The following RANBP2 variants were observed in gnomAD, a reference collection of about 807,000 sequenced individuals.
The protein encoded by RANBP2 is RAN binding protein 2, also known as E3 SUMO-protein ligase RanBP2.
RANBP2 carries 57 observed loss-of-function variants against 303.6 expected under a neutral mutation model. The ratio of observed to expected loss-of-function variants is 0.19; its 90% CI spans 0.15 to 0.23. RANBP2 has a LOEUF of 0.23. Ranked by LOEUF, RANBP2 falls within the 10% of genes least tolerant of loss-of-function variation. The probability of loss-of-function intolerance (pLI) is 1.00; values close to 1 mark genes in which losing one functional copy is unlikely to be tolerated. For missense variants in RANBP2, 3,138 were observed against 3,780.8 expected (o/e 0.83, Z 4.46); for synonymous variants, 1,167 against 1,301.5 (o/e 0.90, Z 2.23).
the RANBP2 span, among the ~76,000 whole-genome samples, chr2:109,301,288 G>C: frequency 1.3e-5 from 2 of 151,784 alleles, no homozygotes; most frequent in Non-Finnish European, 2.9e-5. Flanking sequence ...TGTGTGGTGT[G>C]TGTCTGTGTG....
At chr2:109,643,000 C>A in the RANBP2 span, among the ~76,000 whole-genome samples, 3 of 152,102 alleles carry the variant, frequency 2.0e-5, no homozygotes, top group South Asian at 6.2e-4. Context: ...CACAGTGAGA[C>A]CCTGTCTCTA....
the RANBP2 span, among the ~76,000 whole-genome samples, chr2:109,404,665 C>T: frequency 6.6e-6 from 1 of 152,160 alleles, no homozygotes; most frequent in Non-Finnish European, 1.5e-5. Flanking sequence ...GCTGACCCCT[C>T]TCCCACCGGG....
chr2:108,986,979 A>G, the RANBP2 span, among the ~76,000 whole-genome samples: 1 of 152,182 alleles, frequency 6.6e-6, no homozygotes, highest in Non-Finnish European at 1.5e-5. Flanking sequence ...CTCAAACAGC[A>G]TCAAAGGAAC....
At chr2:109,473,869 C>T in the RANBP2 span, among the ~76,000 whole-genome samples, 3 of 152,012 alleles carry the variant, frequency 2.0e-5, no homozygotes, top group Non-Finnish European at 2.9e-5. Flanking sequence ...CTCCTTGTGC[C>T]CCTGAACCGC....
the RANBP2 span, among the ~76,000 whole-genome samples, chr2:109,087,594 A>C: frequency 6.6e-6 from 1 of 152,168 alleles, no homozygotes; most frequent in African/African-American, 2.4e-5. Context: ...TTTTGGGTTC[A>C]AGTCCTCCTG....
the RANBP2 span, among the ~76,000 whole-genome samples, chr2:109,632,300 C>T: frequency 6.6e-6 from 1 of 152,150 alleles, no homozygotes; most frequent in Non-Finnish European, 1.5e-5. Context: ...CTAAGGGGGT[C>T]ATGGGAACTC....
chr2:108,925,327 G>A, the RANBP2 span, among the ~76,000 whole-genome samples: 1 of 152,234 alleles, frequency 6.6e-6, no homozygotes, highest in African/African-American at 2.4e-5. Context: ...AGGCCTCTCT[G>A]CCCATCCTAG....
the RANBP2 span, among the ~76,000 whole-genome samples, chr2:109,123,455 C>T: frequency 6.6e-6 from 1 of 151,868 alleles, no homozygotes. Flanking sequence ...CTCTCTCCTC[C>T]ATGGATGAAA....
At chr2:109,281,641 A>G in the RANBP2 span, among the ~76,000 whole-genome samples, 1,645 of 152,216 alleles carry the variant, frequency 0.011, 44 homozygotes, top group African/African-American at 0.037. Context: ...ATTTGAGTAT[A>G]AGTGTTTAGA....
the RANBP2 span, among the ~76,000 whole-genome samples, chr2:109,396,502 G>C: frequency 6.6e-6 from 1 of 152,218 alleles, no homozygotes; most frequent in Non-Finnish European, 1.5e-5. Flanking sequence ...GCACGGAGCA[G>C]CCCTGTGATG....
At chr2:109,717,288 A>C in the RANBP2 span, among the ~76,000 whole-genome samples, 1 of 151,368 alleles carries the variant, frequency 6.6e-6, no homozygotes, top group Non-Finnish European at 1.5e-5. Flanking sequence ...AAAAAAAAAA[A>C]AAACCCAGTT....
At chr2:109,549,179 G>A in the RANBP2 span, among the ~76,000 whole-genome samples, 2 of 152,178 alleles carry the variant, frequency 1.3e-5, no homozygotes, top group Non-Finnish European at 2.9e-5. Flanking sequence ...GCAGTTCTCT[G>A]CACACGTGTG....
chr2:109,472,493 A>T, the RANBP2 span, among the ~76,000 whole-genome samples: 1 of 152,164 alleles, frequency 6.6e-6, no homozygotes, highest in African/African-American at 2.4e-5. Context: ...ATCAGGAAGG[A>T]CTTGTGGAAA....
the RANBP2 span, among the ~76,000 whole-genome samples, chr2:108,886,632 T>G: frequency 1.3e-5 from 2 of 152,122 alleles, no homozygotes; most frequent in Non-Finnish European, 2.9e-5. Flanking sequence ...CAGGATGGTC[T>G]CCATCTCCTG....
chr2:108,858,217 G>A, the RANBP2 span, among the ~76,000 whole-genome samples: 1 of 152,156 alleles, frequency 6.6e-6, no homozygotes, highest in African/African-American at 2.4e-5. Flanking sequence ...GGTGGTGTGC[G>A]CCTGTAATGC....
the RANBP2 span, among the ~76,000 whole-genome samples, chr2:109,766,212 A>T: frequency 4.6e-4 from 68 of 148,900 alleles, no homozygotes; most frequent in East Asian, 4.4e-3. Flanking sequence ...GCCTTCTCAG[A>T]AGAGTGGCTT....
At chr2:108,850,518 C>G in the RANBP2 span, among the ~76,000 whole-genome samples, 1 of 152,140 alleles carries the variant, frequency 6.6e-6, no homozygotes, top group African/African-American at 2.4e-5. Flanking sequence ...GTGGCACGAT[C>G]TTGGCTCACT....
chr2:109,750,729 AT>A, the RANBP2 span, among the ~76,000 whole-genome samples: 78 of 105,134 alleles, frequency 7.4e-4, 9 homozygotes, highest in African/African-American at 2.3e-3. Flanking sequence ...AATAATAATA[AT>A]TTTTTTTTTT....
the RANBP2 span, among the ~76,000 whole-genome samples, chr2:109,033,109 T>A: frequency 1.4e-3 from 217 of 152,306 alleles, 1 homozygote; most frequent in Admixed American, 2.9e-3. Context: ...AGACCTTTCA[T>A]GTTTGGTCAT....
Sources: allele counts gnomAD v4.1 joint callset (sites outside exome capture counted in the v4.1 genomes callset), GRCh38; gene constraint gnomAD v4.1.1; transcripts MANE v1.5; gene names NCBI Gene and HGNC (gene_info 2026-07-23, HGNC 2026-07-21).